SUPT3H: variants seen among roughly 807,000 people sequenced by gnomAD.
SUPT3H encodes transcription initiation protein SPT3 homolog.
SUPT3H carries 44 observed loss-of-function variants against 44.3 expected under a neutral mutation model. That is an observed-to-expected ratio of 0.99 (90% CI 0.78 to 1.28). The LOEUF (loss-of-function observed/expected upper bound fraction) is 1.28, where lower values mean the gene tolerates loss of function less well. SUPT3H is among the 50% of genes most tolerant of loss of function. The probability of loss-of-function intolerance (pLI) is 0.00; values close to 1 mark genes in which losing one functional copy is unlikely to be tolerated. For synonymous variants in SUPT3H, 124 were observed against 125.6 expected (o/e 0.99, Z 0.09); for missense variants, 380 against 387.1 (o/e 0.98, Z 0.15).
At chr6:44,990,628 T>C (rs1248831500) in intron 6 of SUPT3H, among the ~76,000 whole-genome samples, 2 of 152,118 alleles carry the variant, frequency 1.3e-5, no homozygotes, top group Non-Finnish European at 2.9e-5. Flanking sequence ...CCATCATGAA[T>C]AGACAATGGA....
chr6:45,189,485 G>T (rs2153617856), intron 2 of SUPT3H, among the ~76,000 whole-genome samples: 1 of 152,180 alleles, frequency 6.6e-6, no homozygotes, highest in Non-Finnish European at 1.5e-5. Context: ...AACCCTCAAG[G>T]AAGTTCATGA....
chr6:45,010,984 T>C (rs1783404310), intron 5 of SUPT3H, among the ~76,000 whole-genome samples: 2 of 152,146 alleles, frequency 1.3e-5, no homozygotes, highest in South Asian at 2.1e-4. Context: ...TCATGTGATT[T>C]TTCTCCTTTA....
chr6:44,826,589 TGA>T (rs1421361374), downstream of SUPT3H, among the ~76,000 whole-genome samples: 5 of 152,224 alleles, frequency 3.3e-5, no homozygotes, highest in Non-Finnish European at 7.4e-5. Flanking sequence ...GGGGGGCAGA[TGA>T]GAGAATATGT....
intron 2 of SUPT3H, among the ~76,000 whole-genome samples, chr6:45,187,904 C>T (rs1256513966): frequency 2.0e-5 from 3 of 152,196 alleles, no homozygotes; most frequent in East Asian, 1.9e-4. Context: ...CAGTTATCTA[C>T]TGTCAACTGT....
intron 10 of SUPT3H, among the ~76,000 whole-genome samples, 193 bp downstream of exon 10, chr6:44,932,460 A>G (rs1166912779): frequency 2.0e-5 from 3 of 152,206 alleles, no homozygotes; most frequent in Non-Finnish European, 4.4e-5. Flanking sequence ...TATTTTGTAG[A>G]AAAAAAGTGT....
chr6:44,939,585 T>C (rs1350648974), intron 9 of SUPT3H, among the ~76,000 whole-genome samples: 1 of 152,120 alleles, frequency 6.6e-6, no homozygotes, highest in Admixed American at 6.6e-5. Flanking sequence ...TAGAATTATT[T>C]ATGGAGAATT....
At chr6:44,870,217 A>G (rs997423667) in intron 10 of SUPT3H, among the ~76,000 whole-genome samples, 5 of 152,206 alleles carry the variant, frequency 3.3e-5, no homozygotes, top group Non-Finnish European at 7.3e-5. Flanking sequence ...CTCACAAAAC[A>G]GCTCTTTCAA....
At chr6:45,320,603 A>C (rs1360772054) in intron 2 of SUPT3H, among the ~76,000 whole-genome samples, 1 of 152,050 alleles carries the variant, frequency 6.6e-6, no homozygotes, top group Non-Finnish European at 1.5e-5. Context: ...TTGTAAATAA[A>C]GTTTTACTGG....
chr6:44,937,284 G>C (rs1345991030), intron 9 of SUPT3H, among the ~76,000 whole-genome samples: 1 of 151,966 alleles, frequency 6.6e-6, no homozygotes, highest in Non-Finnish European at 1.5e-5. Flanking sequence ...TAGAGGTCAA[G>C]AGTTTGAGAC....
chr6:45,112,053 T>C (rs1301957666), intron 2 of SUPT3H, among the ~76,000 whole-genome samples: 1 of 152,220 alleles, frequency 6.6e-6, no homozygotes, highest in Admixed American at 6.5e-5. Context: ...AGCAGGTAAC[T>C]TCTCCTGGCA....
chr6:45,338,479 T>C (rs1340796814), intron 2 of SUPT3H, among the ~76,000 whole-genome samples: 1 of 152,100 alleles, frequency 6.6e-6, no homozygotes, highest in Non-Finnish European at 1.5e-5. Flanking sequence ...GTACTATATT[T>C]TGAATTAAGA....
At chr6:45,226,894 G>C (rs1470180148) in intron 2 of SUPT3H, among the ~76,000 whole-genome samples, 2 of 152,052 alleles carry the variant, frequency 1.3e-5, no homozygotes, top group Admixed American at 6.5e-5. Context: ...AAGTGACTAG[G>C]GAGGCTGAGG....
In SUPT3H at chr6:45,005,654, T is replaced by C. The variant is rs528122223; in HGVS notation, c.365-1862A>G. Among the ~76,000 whole-genome samples the C allele has an allele frequency of 2.0e-3, 301 of 151,164 alleles. 2 individuals carry two copies. The highest frequency in any genetic ancestry group is 0.014 in the Middle Eastern group (4 of 294). Reference sequence around the variant, plus strand: ...ATACAGAGGTTGTGGTGAGCCGAGATTGCTCCATTGCACTCCAGCCTGGGC... The same window carrying C: ...ATACAGAGGTTGTGGTGAGCCGAGACTGCTCCATTGCACTCCAGCCTGGGC... On this transcript the variant is annotated intron_variant, in intron 5 of 10. Coordinates refer to ENST00000371459, the MANE Select transcript of SUPT3H (RefSeq NM_003599.4).
chr6:45,320,442 CA>C (rs1279648286), intron 2 of SUPT3H, among the ~76,000 whole-genome samples: 4 of 150,614 alleles, frequency 2.7e-5, no homozygotes, highest in African/African-American at 9.8e-5. Context: ...TTTTCTTTTC[CA>C]TTTTTTTTTT....
intron 6 of SUPT3H, among the ~76,000 whole-genome samples, chr6:45,001,929 T>C (rs750841039): frequency 1.6e-4 from 24 of 152,102 alleles, no homozygotes; most frequent in Admixed American, 7.9e-4. Flanking sequence ...TTCTACTGTC[T>C]ACAGTTAAGT....
downstream of SUPT3H, among the ~76,000 whole-genome samples, chr6:44,826,121 T>TA (rs1175184254): frequency 1.3e-5 from 2 of 152,238 alleles, no homozygotes; most frequent in African/African-American, 4.8e-5. Context: ...CTTTAAGAGA[T>TA]ACGACTTTCT....
chr6:45,184,896 A>G (rs1813919257), intron 2 of SUPT3H, among the ~76,000 whole-genome samples: 2 of 152,166 alleles, frequency 1.3e-5, no homozygotes, highest in Admixed American at 1.3e-4. Flanking sequence ...TCAGCCAATC[A>G]TCAATGGAAA....
intron 3 of SUPT3H, among the ~76,000 whole-genome samples, chr6:45,103,842 A>G (rs921832609): frequency 2.6e-5 from 4 of 152,210 alleles, no homozygotes; most frequent in Non-Finnish European, 5.9e-5. Flanking sequence ...GCAGCCAGAA[A>G]AAAACTACAT....
chr6:44,815,416 G>T lies in SUPT3H; in HGVS notation c.*53-5915C>A, dbSNP rs1396997217. On this transcript the variant is annotated intron_variant and NMD_transcript_variant, in intron 11 of 11. Transcript: ENST00000475057. ...ATTAAAAGGCAGAGATTGTAAAATG[G>T]GTTAAAAAGCAACACCTAACTATAG... Among the ~76,000 whole-genome samples, 4 of 151,950 alleles carry T rather than the reference G, an allele frequency of 2.6e-5. No individual in the cohort carries two copies. In the East Asian group the frequency reaches 7.7e-4, roughly 29 times the overall value.
Sources: allele counts gnomAD v4.1 joint callset (sites outside exome capture counted in the v4.1 genomes callset), GRCh38; gene constraint gnomAD v4.1.1; transcripts MANE v1.5; gene names NCBI Gene and HGNC (gene_info 2026-07-23, HGNC 2026-07-21).